SLC9C1: variants seen among roughly 807,000 people sequenced by gnomAD.
SLC9C1 encodes solute carrier family 9 member C1.
SLC9C1 carries 97 observed loss-of-function variants against 140.9 expected under a neutral mutation model. The observed-to-expected ratio is 0.69, with a 90% CI of 0.58 to 0.82. The LOEUF is 0.82. Ranked by LOEUF, SLC9C1 falls within the 40% of genes least tolerant of loss-of-function variation. The pLI is 0.00. For synonymous variants in SLC9C1, 440 were observed against 442.6 expected, an observed-to-expected ratio of 0.99 and a Z score of 0.07; for missense variants, 1,340 against 1,389.3, an observed-to-expected ratio of 0.96 and a Z score of 0.56.
chr3:112,235,664 A>G (rs1056377294), intron 12 of SLC9C1, among the ~76,000 whole-genome samples: 6 of 152,144 alleles, frequency 3.9e-5, no homozygotes, highest in Non-Finnish European at 8.8e-5. Context: ...TACTATTAAG[A>G]GTTTTTAGCA....
At chr3:112,234,617 C>A (rs1264347502) in intron 12 of SLC9C1, among the ~76,000 whole-genome samples, 1 of 152,164 alleles carries the variant, frequency 6.6e-6, no homozygotes, top group East Asian at 1.9e-4. Flanking sequence ...TTAGGTCTAA[C>A]ATTTAAGTCT....
rs189390654 is a variant in SLC9C1 at position 112,180,491 on chromosome 3, C to A, written c.2748+73G>T. ...TGAGCCAAGATCATGCCATTGCACT[C>A]CAGCTTGGGCAACAAGAGAGAAACT... On this transcript the variant is annotated intron_variant, in intron 22 of 28. Coordinates refer to ENST00000305815, the MANE Select transcript of SLC9C1 (RefSeq NM_183061.3). 3.3e-5 allele frequency: 41 copies of A among 1,253,650 alleles called. No individual in the cohort carries two copies. In the Middle Eastern group the frequency reaches 5.9e-4, roughly 18 times the overall value. The allele number at this position is 1,253,650 out of a possible 1,614,324, so 77.7% of individuals were successfully genotyped here.
At chr3:112,259,615 GCTTA>G (rs1347852196) in intron 10 of SLC9C1, among the ~76,000 whole-genome samples, 8 of 152,002 alleles carry the variant, frequency 5.3e-5, no homozygotes, top group Non-Finnish European at 1.2e-4. Flanking sequence ...CAGACACTGG[GCTTA>G]CTTGAGGGTG....
intron 14 of SLC9C1, 44 bp from the exon 15 acceptor site, chr3:112,217,605 A>T: frequency 1.3e-6 from 2 of 1,519,128 alleles, no homozygotes; most frequent in South Asian, 2.6e-5. Context: ...AAACATTTTG[A>T]GATAAGTTTA....
chr3:112,205,193 C>A (rs138301395), intron 16 of SLC9C1, among the ~76,000 whole-genome samples: 8,239 of 152,074 alleles, frequency 0.054, 270 homozygotes, highest in South Asian at 0.088. Context: ...TCATAAGCAA[C>A]TTCAGCAAAG....
At chr3:112,147,615 C>G (rs1209092989) in intron 28 of SLC9C1, 2 of 288,756 alleles carry the variant, frequency 6.9e-6, no homozygotes, top group Non-Finnish European at 1.4e-5. Flanking sequence ...GATCCCCAGT[C>G]TCTCCTGGCT....
intron 13 of SLC9C1, among the ~76,000 whole-genome samples, chr3:112,222,761 G>T (rs1311139155): frequency 6.6e-6 from 1 of 152,070 alleles, no homozygotes; most frequent in East Asian, 1.9e-4. Flanking sequence ...AAAAGACATG[G>T]CCTCATAACA....
At chr3:112,239,644 T>A (rs1342463181) in intron 12 of SLC9C1, among the ~76,000 whole-genome samples, 196 bp downstream of exon 12, 1 of 152,234 alleles carries the variant, frequency 6.6e-6, no homozygotes, top group African/African-American at 2.4e-5. Context: ...AAAGGGGTTA[T>A]GACTTCTACT....
chr3:112,277,938 G>A (rs1437178584), intron 4 of SLC9C1, 78 bp from the exon 5 acceptor site: 17 of 1,256,816 alleles, frequency 1.4e-5, no homozygotes, highest in Non-Finnish European at 1.9e-5. Flanking sequence ...CAGGATTATT[G>A]GAGATACAGA....
chr3:112,151,752 C>G lies in SLC9C1; in HGVS notation c.3524+105G>C. 4 of 803,776 alleles carry G rather than the reference C, an allele frequency of 5.0e-6. No homozygotes were observed. In the East Asian group the frequency reaches 9.8e-5, roughly 20 times the overall value. 49.8% of individuals were successfully genotyped at this position (803,776 alleles called of 1,614,324 possible). A position where few individuals can be genotyped will look rare whatever the true frequency, so the allele number is the denominator to read the frequency against. ...AGAATCATCTGACTAGTGGAAAGAG[C>G]TATAATTCACACTATCACATAAAGG... On this transcript the variant is annotated intron_variant, in intron 28 of 28. Transcript: ENST00000305815.
chr3:112,292,699 A>T (rs1321857078), intron 1 of SLC9C1, among the ~76,000 whole-genome samples: 2 of 151,798 alleles, frequency 1.3e-5, no homozygotes, highest in Non-Finnish European at 1.5e-5. Context: ...GCCAGCCACC[A>T]CGCCCGGCTA....
intron 17 of SLC9C1, among the ~76,000 whole-genome samples, chr3:112,203,367 C>G (rs1296841621): frequency 6.6e-6 from 1 of 151,982 alleles, no homozygotes; most frequent in Non-Finnish European, 1.5e-5. Context: ...ACTCGCCTTC[C>G]TCAGGTAAAT....
At chr3:112,287,799 A>T (rs1238564143) in intron 1 of SLC9C1, among the ~76,000 whole-genome samples, 1 of 152,038 alleles carries the variant, frequency 6.6e-6, no homozygotes, top group East Asian at 1.9e-4. Context: ...TGTAATCCCA[A>T]TACTTTGGGA....
Position 112,280,673 on chromosome 3 carries a change from C to T in SLC9C1, c.189+10G>A, listed in dbSNP as rs747181010. On this transcript the variant is annotated intron_variant, in intron 3 of 28. Coordinates refer to ENST00000305815, the MANE Select transcript of SLC9C1 (RefSeq NM_183061.3). ...ATAAATAGTGTAAAATACTCATTTACAATACACACCTGTGAAGATGTAAAG... is the reference window on the plus strand; with the variant it reads ...ATAAATAGTGTAAAATACTCATTTATAATACACACCTGTGAAGATGTAAAG... 4 of 1,576,822 alleles carry T rather than the reference C, an allele frequency of 2.5e-6. No individual in the cohort carries two copies. Among genetic ancestry groups the T allele is most frequent in the East Asian group, 2.3e-5 (1 of 44,388 alleles).
At chr3:112,216,247 A>C (rs540765421) in intron 15 of SLC9C1, among the ~76,000 whole-genome samples, 95 of 152,376 alleles carry the variant, frequency 6.2e-4, no homozygotes, top group Non-Finnish European at 1.2e-3. Flanking sequence ...TAAAACCATA[A>C]AAACCCTAGA....
chr3:112,200,837 G>A (rs1576326272), intron 18 of SLC9C1, 75 bp from the exon 19 acceptor site: 1 of 1,302,616 alleles, frequency 7.7e-7, no homozygotes, highest in East Asian at 2.4e-5. Context: ...TGCAACTGAT[G>A]GATTTTTAAC....
chr3:112,175,784 G>T (rs2077325359), intron 23 of SLC9C1, among the ~76,000 whole-genome samples: 1 of 152,182 alleles, frequency 6.6e-6, no homozygotes, highest in Non-Finnish European at 1.5e-5. Context: ...CATTGCCACC[G>T]ATTTGCTGGA....
chr3:112,245,772 T>C (rs1481364762), intron 10 of SLC9C1, among the ~76,000 whole-genome samples: 1 of 152,192 alleles, frequency 6.6e-6, no homozygotes, highest in Admixed American at 6.5e-5. Context: ...GGAATTGCAA[T>C]GAGTATAGTG....
intron 12 of SLC9C1, among the ~76,000 whole-genome samples, chr3:112,238,691 T>A (rs2079059128): frequency 6.6e-6 from 1 of 152,266 alleles, no homozygotes; most frequent in South Asian, 2.1e-4. Context: ...GACCCTCAGC[T>A]GCAAGTCTGC....
Sources: allele counts gnomAD v4.1 joint callset (sites outside exome capture counted in the v4.1 genomes callset), GRCh38; gene constraint gnomAD v4.1.1; transcripts MANE v1.5; gene names NCBI Gene and HGNC (gene_info 2026-07-23, HGNC 2026-07-21).